THSD4: variants seen among roughly 807,000 people sequenced by gnomAD.
The protein encoded by THSD4 is thrombospondin type-1 domain-containing protein 4.
Under a neutral mutation model 119.0 loss-of-function variants are expected in THSD4, and 69 were observed. That is an observed-to-expected ratio of 0.58 (90% CI 0.48 to 0.71). The LOEUF (loss-of-function observed/expected upper bound fraction) is 0.71. Among genes scored for constraint, THSD4 ranks in the 30% least tolerant of loss-of-function variants. The pLI is 0.00. For missense variants in THSD4, 1,393 were observed against 1,391.1 expected (o/e 1.00, Z -0.02); for synonymous variants, 524 against 540.4 (o/e 0.97, Z 0.42).
chr15:71,110,672 C>T (rs999132943), upstream of THSD4: 9 of 164,972 alleles, frequency 5.5e-5, no homozygotes, highest in African/African-American at 1.9e-4. Context: ...TGTATCTGCT[C>T]TCTTTTGTGG....
chr15:71,663,555 G>C (rs2051355032), intron 8 of THSD4, among the ~76,000 whole-genome samples: 1 of 152,206 alleles, frequency 6.6e-6, no homozygotes, highest in African/African-American at 2.4e-5. Context: ...TCCTTTTGAA[G>C]TGTACGTTGG....
At chr15:71,539,057 A>C (rs1382221576) in intron 7 of THSD4, among the ~76,000 whole-genome samples, 1 of 152,216 alleles carries the variant, frequency 6.6e-6, no homozygotes, top group Admixed American at 6.5e-5. Flanking sequence ...TTTCAGATAG[A>C]AATCAGAGAA....
At chr15:71,303,712 A>G (rs1450605893) in intron 6 of THSD4, among the ~76,000 whole-genome samples, 1 of 152,106 alleles carries the variant, frequency 6.6e-6, no homozygotes, top group African/African-American at 2.4e-5. Flanking sequence ...TTATGCTGGC[A>G]TCTTGGGTCC....
rs2140273549 is a variant in THSD4, at chr15:71,782,844, G to C, written c.*5470G>C. On this transcript the variant is annotated 3_prime_UTR_variant, in exon 18 of 18. Transcript: ENST00000261862. Reference sequence around the variant, plus strand: ...CCTTCCCCTCATCCACAGACATTTGGAGAAGGAAATGGGAGGGTGTCTGTT... The same window carrying C: ...CCTTCCCCTCATCCACAGACATTTGCAGAAGGAAATGGGAGGGTGTCTGTT... 6.6e-6 allele frequency: 1 copy of C among 152,260 alleles called. No individual in the cohort carries two copies. Among genetic ancestry groups the C allele is most frequent in the South Asian group, 2.1e-4 (1 of 4,812 alleles). The allele number at this position is 152,260 out of a possible 1,614,324, so 9.4% of individuals were successfully genotyped here. A position where few individuals can be genotyped will look rare whatever the true frequency, so the allele number is the denominator to read the frequency against.
In THSD4 at chr15:71,256,657, A is replaced by G; in HGVS notation, c.957A>G (p.Ala319=). The change falls in exon 6 of 18, where the codon GCA becomes GCG. Residue 319 remains alanine (A), a synonymous_variant. Coordinates refer to ENST00000261862, the MANE Select transcript of THSD4 (RefSeq NM_024817.3). The stretch of plus-strand genomic sequence containing the variant: ...GAAGTATCCGGGAGGTACAGTGTGC[A>G]TCCTACAACAACAAGCCATTCATGG... ...SSRSIREVQC[A]SYNNKPFMGR... is the part of the protein sequence containing the mutation. The G allele has an allele frequency of 6.2e-7, 1 of 1,614,150 alleles. No homozygotes were observed. The highest frequency in any genetic ancestry group is 8.5e-7 in the Non-Finnish European group (1 of 1,179,994).
chr15:71,399,391 A>T (rs1212823518), intron 6 of THSD4, among the ~76,000 whole-genome samples: 1 of 152,172 alleles, frequency 6.6e-6, no homozygotes, highest in African/African-American at 2.4e-5. Context: ...GCTAAATCCA[A>T]ATGCAGCTAA....
chr15:71,510,348 G>A (rs1281755797), intron 7 of THSD4, among the ~76,000 whole-genome samples: 1 of 152,212 alleles, frequency 6.6e-6, no homozygotes, highest in African/African-American at 2.4e-5. Flanking sequence ...ACTAGGCACT[G>A]AGGCTACAGC....
chr15:71,584,245 AT>A lies in THSD4; in HGVS notation c.1153-76275del, dbSNP rs1304002060. On this transcript the variant is annotated intron_variant, in intron 7 of 17. Coordinates refer to ENST00000261862, the MANE Select transcript of THSD4 (RefSeq NM_024817.3). ...TCTTTTTTGGTTACCATTCACGTGGATTTTTTTTTTCACTTTCTTTTTTTTT... is the reference window on the plus strand; with the variant it reads ...TCTTTTTTGGTTACCATTCACGTGGATTTTTTTTTCACTTTCTTTTTTTTT... Among the ~76,000 whole-genome samples, 75 of 65,412 alleles carry A rather than the reference AT, an allele frequency of 1.1e-3. 1 individual carries two copies. Among genetic ancestry groups the A allele is most frequent in the African/African-American group, 3.3e-3 (63 of 19,338 alleles). 42.9% of individuals were successfully genotyped at this position (65,412 alleles called of 152,430 possible). A position where few individuals can be genotyped will look rare whatever the true frequency, so the allele number is the denominator to read the frequency against.
At chr15:71,392,802 C>T (rs1235802179) in intron 6 of THSD4, among the ~76,000 whole-genome samples, 1 of 152,190 alleles carries the variant, frequency 6.6e-6, no homozygotes, top group Non-Finnish European at 1.5e-5. Context: ...GTCTTCTGTA[C>T]ACACCCTTTG....
At chr15:71,263,035 G>A (rs1429011995) in intron 6 of THSD4, among the ~76,000 whole-genome samples, 1 of 151,880 alleles carries the variant, frequency 6.6e-6, no homozygotes, top group Non-Finnish European at 1.5e-5. Flanking sequence ...GTGTCATGGG[G>A]GGTTGTTATA....
intron 5 of THSD4, 46 bp from the exon 6 acceptor site, chr15:71,256,567 T>A: frequency 6.5e-7 from 1 of 1,531,330 alleles, no homozygotes; most frequent in Admixed American, 1.8e-5. Context: ...CCTGGAGCTA[T>A]GAAAAGTATG....
chr15:71,227,419 C>T (rs564119741), intron 4 of THSD4, among the ~76,000 whole-genome samples: 1 of 152,276 alleles, frequency 6.6e-6, no homozygotes, highest in African/African-American at 2.4e-5. Context: ...TTTCCTCCAG[C>T]GCACACCTAG....
intron 11 of THSD4, among the ~76,000 whole-genome samples, 162 bp from the exon 12 acceptor site, chr15:71,744,944 C>T (rs368349535): frequency 6.6e-6 from 1 of 152,144 alleles, no homozygotes. Flanking sequence ...TGTGTGTAAA[C>T]CCTCAAATGA....
At chr15:71,294,923 T>TAAAGAAA (rs2044841814) in intron 6 of THSD4, among the ~76,000 whole-genome samples, 1 of 138,158 alleles carries the variant, frequency 7.2e-6, no homozygotes, top group Non-Finnish European at 1.5e-5. Flanking sequence ...CTCACAGCTG[T>TAAAGAAA]AAAAAAAAAA....
At chr15:71,158,442 C>T (rs1444341670) in intron 3 of THSD4, among the ~76,000 whole-genome samples, 3 of 152,090 alleles carry the variant, frequency 2.0e-5, no homozygotes, top group African/African-American at 4.8e-5. Context: ...TGGGAGCCAC[C>T]GCGCCTGGCC....
chr15:71,370,850 C>T (rs191107031), intron 6 of THSD4, among the ~76,000 whole-genome samples: 48 of 152,276 alleles, frequency 3.2e-4, no homozygotes, highest in Admixed American at 2.7e-3. Flanking sequence ...AACTTTGTCT[C>T]GTCGATCTGT....
chr15:71,325,789 T>C (rs2045329300), intron 6 of THSD4, among the ~76,000 whole-genome samples: 1 of 152,202 alleles, frequency 6.6e-6, no homozygotes, highest in Non-Finnish European at 1.5e-5. Context: ...TTGACTTTTA[T>C]GTATGACACT....
intron 7 of THSD4, among the ~76,000 whole-genome samples, chr15:71,528,797 A>C (rs932540159): frequency 1.3e-5 from 2 of 152,232 alleles, no homozygotes; most frequent in African/African-American, 4.8e-5. Flanking sequence ...CAGAGGGGGA[A>C]ATCTTGATCT....
At chr15:71,655,294 C>A (rs921859706) in intron 7 of THSD4, among the ~76,000 whole-genome samples, 2 of 152,150 alleles carry the variant, frequency 1.3e-5, no homozygotes, top group Non-Finnish European at 2.9e-5. Context: ...AATGTAGAAG[C>A]TGTATGAGGT....
Sources: allele counts gnomAD v4.1 joint callset (sites outside exome capture counted in the v4.1 genomes callset), GRCh38; gene constraint gnomAD v4.1.1; transcripts MANE v1.5; gene names NCBI Gene and HGNC (gene_info 2026-07-23, HGNC 2026-07-21).